Variants in MRPL13 observed in about 807,000 individuals in gnomAD.
The protein encoded by MRPL13 is large ribosomal subunit protein uL13m.
A neutral mutation model predicts 29.0 loss-of-function variants in MRPL13; 33 were observed. The observed-to-expected ratio is 1.14, with a 90% CI of 0.86 to 1.52. The LOEUF (loss-of-function observed/expected upper bound fraction) is 1.52, where lower values mean the gene tolerates loss of function less well. MRPL13 is among the 40% of genes most tolerant of loss of function. The pLI, the probability that MRPL13 is intolerant of heterozygous loss-of-function variation, is 0.00. For synonymous variants in MRPL13, 77 were observed against 68.4 expected (o/e 1.13, Z -0.62); for missense variants, 227 against 216.7 (o/e 1.05, Z -0.30).
intron 4 of MRPL13, among the ~76,000 whole-genome samples, chr8:120,421,239 G>C (rs956338604): frequency 6.6e-6 from 1 of 151,540 alleles, no homozygotes; most frequent in Non-Finnish European, 1.5e-5. Flanking sequence ...GAAAATATAA[G>C]GACATAGAAC....
chr8:120,423,301 GTCTAC>G (rs1812894816), intron 4 of MRPL13, among the ~76,000 whole-genome samples: 2 of 151,768 alleles, frequency 1.3e-5, no homozygotes, highest in South Asian at 4.2e-4. Context: ...AAATGCAACT[GTCTAC>G]TCTTATTATA....
intron 3 of MRPL13, among the ~76,000 whole-genome samples, chr8:120,430,442 A>T (rs550144344): frequency 3.3e-5 from 5 of 152,176 alleles, no homozygotes; most frequent in East Asian, 1.9e-4. Flanking sequence ...TAGCAAGCTA[A>T]ATTTTGAATA....
intron 2 of MRPL13, among the ~76,000 whole-genome samples, chr8:120,437,144 G>T (rs1813063823): frequency 6.6e-6 from 1 of 152,092 alleles, no homozygotes; most frequent in Non-Finnish European, 1.5e-5. Flanking sequence ...AAGTATAAAT[G>T]TACAATTTAG....
intron 6 of MRPL13, among the ~76,000 whole-genome samples, chr8:120,407,463 G>T (rs1320190265): frequency 6.6e-6 from 1 of 151,996 alleles, no homozygotes; most frequent in Non-Finnish European, 1.5e-5. Context: ...TGGCCAACAT[G>T]GTGAAACCCA....
At chr8:120,410,788 CT>C (rs1312421443) in intron 6 of MRPL13, among the ~76,000 whole-genome samples, 10 of 148,546 alleles carry the variant, frequency 6.7e-5, no homozygotes, top group South Asian at 2.2e-4. Context: ...CTTTCTCTCT[CT>C]TTTTTTTTTG....
Position 120,414,103 on chromosome 8 carries a change from C to T in MRPL13, c.403G>A (p.Glu135Lys). 6.4e-7 allele frequency: 1 copy of T among 1,557,360 alleles called. No individual in the cohort carries two copies. Among genetic ancestry groups the T allele is most frequent in the Non-Finnish European group, 8.6e-7 (1 of 1,160,676 alleles). The change falls in exon 6 of 7, where the codon GAA becomes AAA. Residue 135 changes from glutamate to lysine, a missense_variant. Glu to Lys is a moderately conservative substitution (Grantham distance 56). Transcript: ENST00000306185. ...LHLFPDEYIP[E>K]DILKNLVEEL... Reference sequence around the variant, plus strand: ...TCTACTAAATTCTTAAGAATATCTTCTGGAATATACTACATTAAAAAAAAA... The same window carrying T: ...TCTACTAAATTCTTAAGAATATCTTTTGGAATATACTACATTAAAAAAAAA...
intron 6 of MRPL13, among the ~76,000 whole-genome samples, chr8:120,396,898 G>A (rs1812530502): frequency 6.6e-6 from 1 of 152,208 alleles, no homozygotes; most frequent in East Asian, 1.9e-4. Context: ...AGCAGCTGTG[G>A]TCTGCAGTTC....
intron 3 of MRPL13, among the ~76,000 whole-genome samples, chr8:120,430,604 T>C (rs890629739): frequency 6.6e-6 from 1 of 152,168 alleles, no homozygotes; most frequent in Non-Finnish European, 1.5e-5. Flanking sequence ...CAATTTTTAA[T>C]GGATAAATAG....
intron 4 of MRPL13, among the ~76,000 whole-genome samples, chr8:120,424,316 C>A (rs1335329609): frequency 2.0e-5 from 3 of 151,622 alleles, no homozygotes; most frequent in Non-Finnish European, 4.4e-5. Context: ...CAAAAATTGA[C>A]AGGAAAAAAA....
At chr8:120,430,727 C>T (rs576777256) in intron 3 of MRPL13, among the ~76,000 whole-genome samples, 1 of 152,202 alleles carries the variant, frequency 6.6e-6, no homozygotes, top group South Asian at 2.1e-4. Context: ...TTTCCAATGA[C>T]TTGTAAAGGA....
intron 2 of MRPL13, among the ~76,000 whole-genome samples, chr8:120,438,643 T>C (rs560276874): frequency 6.6e-6 from 1 of 152,358 alleles, no homozygotes; most frequent in African/African-American, 2.4e-5. Flanking sequence ...TATTATCTGC[T>C]GATACCATTG....
intron 3 of MRPL13, among the ~76,000 whole-genome samples, chr8:120,427,699 C>T (rs1005682686): frequency 6.6e-6 from 1 of 152,070 alleles, no homozygotes; most frequent in African/African-American, 2.4e-5. Flanking sequence ...TATGATGGCT[C>T]ATGCCTGTAA....
intron 2 of MRPL13, among the ~76,000 whole-genome samples, chr8:120,440,703 T>TA (rs998130889): frequency 6.6e-5 from 10 of 150,412 alleles, no homozygotes; most frequent in African/African-American, 2.2e-4. Flanking sequence ...CAATTAATAG[T>TA]AAAAAAATAA....
intron 4 of MRPL13, among the ~76,000 whole-genome samples, chr8:120,421,949 T>C (rs999040333): frequency 2.0e-5 from 3 of 151,704 alleles, no homozygotes; most frequent in African/African-American, 7.2e-5. Flanking sequence ...AATGCTATTA[T>C]ATACAAAGCA....
rs1032440190 is a variant in MRPL13 at position 120,395,986 on chromosome 8, G to A, written c.*118C>T. On this transcript the variant is annotated 3_prime_UTR_variant, in exon 7 of 7. Transcript: ENST00000306185. ...TCCTGACCTTTCCCCACAGTGATTC[G>A]GCACATAAAACAGGTGCTGAACTGT... 39 of 757,142 alleles carry A rather than the reference G, an allele frequency of 5.2e-5. No homozygotes were observed. The highest frequency in any genetic ancestry group is 9.3e-5 in the South Asian group (5 of 53,936). The allele number at this position is 757,142 out of a possible 1,614,324, so 46.9% of individuals were successfully genotyped here. A position where few individuals can be genotyped will look rare whatever the true frequency, so the allele number is the denominator to read the frequency against.
rs527993619 is a variant in MRPL13, at chr8:120,420,532, C to A, written c.307-594G>T. ...ATATTTATGTTGTTAAAATTAAAAG[C>A]AATTAAAAATTTAGTTCCTTAGTCA... On this transcript the variant is annotated intron_variant, in intron 4 of 6. Transcript: ENST00000306185. Among the ~76,000 whole-genome samples, 137 of 147,888 alleles carry A rather than the reference C, an allele frequency of 9.3e-4. 1 individual carries two copies. Among genetic ancestry groups the A allele is most frequent in the Non-Finnish European group, 1.9e-3 (125 of 67,000 alleles).
chr8:120,407,341 C>T (rs1013992905), intron 6 of MRPL13, among the ~76,000 whole-genome samples: 2 of 152,110 alleles, frequency 1.3e-5, no homozygotes, highest in African/African-American at 2.4e-5. Context: ...TTATGAAGCA[C>T]ATGGTTTATG....
chr8:120,425,644 A>G (rs1373190995), intron 3 of MRPL13, among the ~76,000 whole-genome samples: 1 of 152,156 alleles, frequency 6.6e-6, no homozygotes, highest in Non-Finnish European at 1.5e-5. Flanking sequence ...CTCACTCATT[A>G]TGGGGTATTT....
chr8:120,399,510 AG>A (rs1812562708), intron 6 of MRPL13, among the ~76,000 whole-genome samples: 1 of 152,228 alleles, frequency 6.6e-6, no homozygotes, highest in African/African-American at 2.4e-5. Flanking sequence ...AAATATGGAA[AG>A]GAACAACCAT....
Sources: gnomAD v4.1 joint callset for allele counts (sites outside exome capture counted in the v4.1 genomes callset) on GRCh38, gnomAD v4.1.1 for gene constraint, MANE v1.5 for transcripts, NCBI Gene and HGNC (gene_info 2026-07-23, HGNC 2026-07-21) for gene names.